Variants in ARHGAP6 observed in about 807,000 individuals in gnomAD.
ARHGAP6 encodes Rho GTPase activating protein 6.
ARHGAP6 carries 16 observed loss-of-function variants against 55.7 expected under a neutral mutation model. The ratio of observed to expected loss-of-function variants is 0.29; its 90% CI spans 0.19 to 0.44. The LOEUF (loss-of-function observed/expected upper bound fraction) is 0.44, where lower values mean the gene tolerates loss of function less well. Ranked by LOEUF, ARHGAP6 falls within the 20% of genes least tolerant of loss-of-function variation. The pLI, the probability that ARHGAP6 is intolerant of heterozygous loss-of-function variation, is 1.00. For missense variants in ARHGAP6, 698 were observed against 808.9 expected, an observed-to-expected ratio of 0.86 and a Z score of 1.66; for synonymous variants, 382 against 360.9, an observed-to-expected ratio of 1.06 and a Z score of -0.66.
chrX:11,658,116 C>A (rs766368948), intron 1 of ARHGAP6, among the ~76,000 whole-genome samples: 30 of 111,829 alleles, frequency 2.7e-4, no homozygotes, highest in African/African-American at 9.7e-4. Flanking sequence ...CTGCCCTTGG[C>A]TCTTTGCCTG....
chrX:11,211,542 TTTGTTG>T (rs1299218162), intron 2 of ARHGAP6, among the ~76,000 whole-genome samples: 1 of 104,784 alleles, frequency 9.5e-6, no homozygotes. Context: ...TGAGAACAGT[TTTGTTG>T]TTGTTGTTGT....
intron 1 of ARHGAP6, among the ~76,000 whole-genome samples, chrX:11,614,715 T>G (rs2052142895): frequency 9.0e-6 from 1 of 111,476 alleles, no homozygotes; most frequent in Non-Finnish European, 1.9e-5. Flanking sequence ...AGCTCATGAG[T>G]GACAAACGTA....
At chrX:11,158,341 A>G (rs2045893155) in intron 9 of ARHGAP6, among the ~76,000 whole-genome samples, 1 of 111,526 alleles carries the variant, frequency 9.0e-6, no homozygotes. Flanking sequence ...TGCGCTGACA[A>G]TTGAGCAAAC....
chrX:11,441,416 C>T (rs1278171628), intron 1 of ARHGAP6, among the ~76,000 whole-genome samples: 1 of 111,765 alleles, frequency 8.9e-6, no homozygotes, highest in Non-Finnish European at 1.9e-5. Context: ...AGGGACATCA[C>T]GGGGCAGAAT....
chrX:11,482,325 A>C (rs1297833975), intron 1 of ARHGAP6, among the ~76,000 whole-genome samples: 1 of 112,287 alleles, frequency 8.9e-6, no homozygotes, highest in Non-Finnish European at 1.9e-5. Flanking sequence ...CATCACTGAC[A>C]GCTGGCGTAC....
intron 1 of ARHGAP6, among the ~76,000 whole-genome samples, chrX:11,480,773 C>A (rs915735083): frequency 9.0e-6 from 1 of 111,161 alleles, no homozygotes; most frequent in Non-Finnish European, 1.9e-5. Flanking sequence ...GCCAAATTTC[C>A]CCTGGGTTAC....
rs1299249323 is a variant in ARHGAP6, at chrX:11,664,892, C to A, written c.-64G>T. On this transcript the variant is annotated 5_prime_UTR_variant, in exon 1 of 13. Transcript: ENST00000337414. ...TCCCTGGACGCTGGTGGCTTTGGGT[C>A]GGGAACCGAAAGGGACTCAGGCAAA... The A allele has an allele frequency of 1.6e-5, 17 of 1,058,882 alleles. No homozygotes were observed. Among genetic ancestry groups the A allele is most frequent in the Non-Finnish European group, 2.1e-5 (17 of 796,504 alleles). 87.3% of individuals were successfully genotyped at this position (1,058,882 alleles called of 1,213,427 possible). A position where few individuals can be genotyped will look rare whatever the true frequency, so the allele number is the denominator to read the frequency against.
intron 1 of ARHGAP6, among the ~76,000 whole-genome samples, chrX:11,306,331 C>G (rs185135718): frequency 1.0e-3 from 115 of 112,767 alleles, no homozygotes; most frequent in African/African-American, 3.4e-3. Context: ...TTTGTCTCCC[C>G]CTTAGCTGTC....
intron 1 of ARHGAP6, among the ~76,000 whole-genome samples, chrX:11,362,300 A>C (rs1448801057): frequency 8.9e-6 from 1 of 111,743 alleles, no homozygotes; most frequent in Non-Finnish European, 1.9e-5. Flanking sequence ...TGTGGCACAT[A>C]TACACCATGG....
At chrX:11,153,739 C>T (rs935855128) in intron 10 of ARHGAP6, among the ~76,000 whole-genome samples, 1 of 110,434 alleles carries the variant, frequency 9.1e-6, no homozygotes, top group African/African-American at 3.3e-5. Flanking sequence ...AGTAAGTCTT[C>T]CCCCAGTGTT....
At chrX:11,427,114 T>A (rs929407335) in intron 1 of ARHGAP6, among the ~76,000 whole-genome samples, 7 of 111,582 alleles carry the variant, frequency 6.3e-5, no homozygotes, top group Non-Finnish European at 3.8e-5. Flanking sequence ...GCAGCATTTC[T>A]TCAGCAAATC....
At chrX:11,340,217 A>C (rs752814213) in intron 1 of ARHGAP6, among the ~76,000 whole-genome samples, 2 of 111,916 alleles carry the variant, frequency 1.8e-5, no homozygotes, top group South Asian at 7.6e-4. Flanking sequence ...AATGAAGTAC[A>C]TACACCTTAG....
At chrX:11,174,616 C>CTTT (rs781633949) in intron 8 of ARHGAP6, among the ~76,000 whole-genome samples, 5 of 65,001 alleles carry the variant, frequency 7.7e-5, no homozygotes, top group African/African-American at 2.8e-4. Context: ...TTCTTTCTTT[C>CTTT]TCTTTCTTTT....
At chrX:11,449,166 T>C (rs963445438) in intron 1 of ARHGAP6, among the ~76,000 whole-genome samples, 1 of 111,799 alleles carries the variant, frequency 8.9e-6, no homozygotes, top group African/African-American at 3.3e-5. Flanking sequence ...GTGGGCCCCA[T>C]GTCAGAATTC....
At chrX:11,369,793 G>A (rs765851796) in intron 1 of ARHGAP6, among the ~76,000 whole-genome samples, 63 of 111,692 alleles carry the variant, frequency 5.6e-4, no homozygotes, top group Middle Eastern at 4.6e-3. Context: ...CATTTCCCCC[G>A]TTTTACTCAA....
chrX:11,377,279 G>A (rs887411268), intron 1 of ARHGAP6, among the ~76,000 whole-genome samples: 2 of 112,378 alleles, frequency 1.8e-5, no homozygotes, highest in African/African-American at 3.2e-5. Context: ...GAAACGTGAT[G>A]CTAAATGAAA....
chrX:11,448,952 C>T (rs1419245875), intron 1 of ARHGAP6, among the ~76,000 whole-genome samples: 2 of 111,888 alleles, frequency 1.8e-5, no homozygotes, highest in Non-Finnish European at 3.8e-5. Context: ...GCCAGTGATG[C>T]CTCCAGGGTT....
chrX:11,388,643 G>C (rs1364867298), intron 1 of ARHGAP6, among the ~76,000 whole-genome samples: 5 of 111,476 alleles, frequency 4.5e-5, no homozygotes, highest in African/African-American at 1.6e-4. Context: ...CCTATGTCCT[G>C]AATGGTAATG....
chrX:11,661,930 A>G (rs2052707438), intron 1 of ARHGAP6, among the ~76,000 whole-genome samples: 1 of 112,078 alleles, frequency 8.9e-6, no homozygotes, highest in Non-Finnish European at 1.9e-5. Context: ...TAGTGGGAAG[A>G]GGCCAGGGGT....
Sources: gnomAD v4.1 joint callset for allele counts (sites outside exome capture counted in the v4.1 genomes callset) on GRCh38, gnomAD v4.1.1 for gene constraint, MANE v1.5 for transcripts, NCBI Gene and HGNC (gene_info 2026-07-23, HGNC 2026-07-21) for gene names.